Variants in IFNLR1 observed in about 807,000 individuals in gnomAD.
IFNLR1 encodes the protein CRF2-12.
IFNLR1 carries 28 observed loss-of-function variants against 52.5 expected under a neutral mutation model. That is an observed-to-expected ratio of 0.53 (90% CI 0.40 to 0.73). The LOEUF is 0.73. IFNLR1 is among the 30% of genes least tolerant of loss of function. The probability of loss-of-function intolerance (pLI) is 0.00; values close to 1 mark genes in which losing one functional copy is unlikely to be tolerated. For missense variants in IFNLR1, 623 were observed against 659.1 expected (o/e 0.95, Z 0.60); for synonymous variants, 276 against 274.9 (o/e 1.00, Z -0.04).
intron 2 of IFNLR1, among the ~76,000 whole-genome samples, chr1:24,176,255 C>T (rs1038734447): frequency 3.3e-5 from 5 of 152,352 alleles, no homozygotes; most frequent in Admixed American, 6.5e-5. Context: ...ATACTATACA[C>T]ATCCATTTAT....
At chr1:24,172,128 C>T (rs2148597153) in intron 2 of IFNLR1, among the ~76,000 whole-genome samples, 1 of 152,028 alleles carries the variant, frequency 6.6e-6, no homozygotes, top group Middle Eastern at 3.4e-3. Context: ...TTAAAACAAC[C>T]CATAGATGAA....
intron 2 of IFNLR1, among the ~76,000 whole-genome samples, chr1:24,173,691 C>T (rs1006825986): frequency 6.6e-6 from 1 of 151,242 alleles, no homozygotes; most frequent in Admixed American, 6.6e-5. Context: ...CTCTGTCACC[C>T]AGGCTGGGGT....
Position 24,169,616 on chromosome 1 carries a change from A to G in IFNLR1, c.183-15T>C. 6.2e-7 allele frequency: 1 copy of G among 1,609,224 alleles called. No homozygotes were observed. The highest frequency in any genetic ancestry group is 8.5e-7 in the Non-Finnish European group (1 of 1,177,596). ...GGGTGGGAGAGCTGGGGGAGGAGAGAGGAGAGCTTGGGCCATGGACTCAGC... is the reference window on the plus strand; with the variant it reads ...GGGTGGGAGAGCTGGGGGAGGAGAGGGGAGAGCTTGGGCCATGGACTCAGC... On this transcript the variant is annotated splice_polypyrimidine_tract_variant and intron_variant, in intron 2 of 6. Coordinates refer to ENST00000327535, the MANE Select transcript of IFNLR1 (RefSeq NM_170743.4).
At chr1:24,183,466 C>G (rs1644710811) in intron 1 of IFNLR1, among the ~76,000 whole-genome samples, 1 of 152,076 alleles carries the variant, frequency 6.6e-6, no homozygotes, top group Non-Finnish European at 1.5e-5. Flanking sequence ...TAGCAGGGCA[C>G]AATGGTGAGA....
chr1:24,181,592 A>T (rs1644691308), intron 1 of IFNLR1, among the ~76,000 whole-genome samples: 1 of 152,182 alleles, frequency 6.6e-6, no homozygotes, highest in South Asian at 2.1e-4. Context: ...AGGATGGAGG[A>T]TGACCCTCCC....
chr1:24,157,870 GGT>G lies in IFNLR1; in HGVS notation c.821_822del (p.His274ProfsTer15). The G allele has an allele frequency of 6.3e-7, 1 of 1,592,898 alleles. No homozygotes were observed. The highest frequency in any genetic ancestry group is 8.5e-7 in the Non-Finnish European group (1 of 1,170,780). ...CTGCTGGGCTGAAAGGTTGCCACAG[GGT>G]GTGTGTGTCCAGAAAAGTCCTGATT... ...PRALDFSGHT[H>X]PVATFQPSRP... On this transcript the variant is annotated frameshift_variant, in exon 7 of 7. Coordinates refer to ENST00000327535, the MANE Select transcript of IFNLR1 (RefSeq NM_170743.4). LOFTEE classifies it high-confidence loss of function. The surrounding 1 kb of genome is among the most constrained non-coding windows in gnomAD (Gnocchi z 5.1).
intron 1 of IFNLR1, among the ~76,000 whole-genome samples, chr1:24,186,678 A>G (rs1644742265): frequency 1.3e-5 from 2 of 152,016 alleles, no homozygotes; most frequent in South Asian, 2.1e-4. Context: ...AACAACAACA[A>G]CAACAACAAC....
At chr1:24,180,617 CCA>C in intron 2 of IFNLR1, 112 bp downstream of exon 2, 1 of 1,030,444 alleles carries the variant, frequency 9.7e-7, no homozygotes, top group Non-Finnish European at 1.4e-6. Context: ...CCCGTAGGGC[CCA>C]GAGAGCTAGC....
chr1:24,186,464 CTT>C (rs1199885020), intron 1 of IFNLR1, among the ~76,000 whole-genome samples: 2 of 152,128 alleles, frequency 1.3e-5, no homozygotes, highest in Non-Finnish European at 2.9e-5. Flanking sequence ...TAAATATAGG[CTT>C]TTATGATGAT....
chr1:24,175,274 G>T (rs1036563006), intron 2 of IFNLR1, among the ~76,000 whole-genome samples: 1 of 152,202 alleles, frequency 6.6e-6, no homozygotes, highest in African/African-American at 2.4e-5. Context: ...CCAGTGACTC[G>T]AGGGTAGGGT....
chr1:24,160,805 T>C (rs1221895425), intron 4 of IFNLR1, among the ~76,000 whole-genome samples: 3 of 152,146 alleles, frequency 2.0e-5, no homozygotes, highest in Non-Finnish European at 4.4e-5. Context: ...CATGGCTCAC[T>C]GTGGCCTTGC....
rs759534245 is a variant in IFNLR1 at position 24,159,050 on chromosome 1, A to G, written c.801+2T>C. 3 of 1,613,654 alleles carry G rather than the reference A, an allele frequency of 1.9e-6. No individual in the cohort carries two copies. In the African/African-American group the frequency reaches 4.0e-5, roughly 22 times the overall value. ...TGCTGCACACCCCCAGATTTGCTAT[A>G]CCAGGGCCCGTGGCATCTTTGCCCG... On this transcript the variant is annotated splice_donor_variant, in intron 6 of 6. Transcript: ENST00000327535. LOFTEE classifies it high-confidence loss of function.
chr1:24,157,496 G>A lies in IFNLR1; in HGVS notation c.1197C>T (p.Asp399=). 1 of 1,612,778 alleles carries A rather than the reference G, an allele frequency of 6.2e-7. No individual in the cohort carries two copies. The highest frequency in any genetic ancestry group is 8.5e-7 in the Non-Finnish European group (1 of 1,179,294). The change falls in exon 7 of 7, where the codon GAC becomes GAT. Residue 399 remains aspartate, a synonymous_variant. Coordinates refer to ENST00000327535, the MANE Select transcript of IFNLR1 (RefSeq NM_170743.4). The surrounding 1 kb of genome is among the most constrained non-coding windows in gnomAD (Gnocchi z 5.1). ...SWASTVDSSW[D]RAGSSGYLAE... ...CCAAATAGCCAGAGGACCCAGCCCT[G>A]TCCCAGGAGGAGTCCACAGTGCTGG...
At position 24,156,982 on chromosome 1, in the gene IFNLR1, G is replaced by T; in HGVS notation, c.*148C>A. 4 of 849,862 alleles carry T rather than the reference G, an allele frequency of 4.7e-6. No individual in the cohort carries two copies. In the South Asian group the frequency reaches 6.9e-5, roughly 15 times the overall value. The allele number at this position is 849,862 out of a possible 1,614,324, so 52.6% of individuals were successfully genotyped here. ...GGCATCTTGTTGCTCAGCCCGACAG[G>T]CAAACAGCCGCTAGGTGGACTTCCC... On this transcript the variant is annotated 3_prime_UTR_variant, in exon 7 of 7. Coordinates refer to ENST00000327535, the MANE Select transcript of IFNLR1 (RefSeq NM_170743.4).
At chr1:24,162,423 A>C (rs1037088767) in intron 3 of IFNLR1, among the ~76,000 whole-genome samples, 1 of 152,172 alleles carries the variant, frequency 6.6e-6, no homozygotes, top group Non-Finnish European at 1.5e-5. Flanking sequence ...TTAAAGGCTC[A>C]TGGGATTAGA....
intron 3 of IFNLR1, 136 bp from the exon 4 acceptor site, chr1:24,161,820 TA>T: frequency 1.2e-6 from 1 of 813,122 alleles, no homozygotes. Flanking sequence ...TAGCACCTTA[TA>T]ATCTGTTATT....
intron 2 of IFNLR1, among the ~76,000 whole-genome samples, chr1:24,176,962 T>G (rs1644638780): frequency 6.6e-6 from 1 of 151,900 alleles, no homozygotes; most frequent in South Asian, 2.1e-4. Context: ...GTGATATGAG[T>G]CCCTAAAGAA....
rs1224117052 is a variant in IFNLR1, at chr1:24,157,137, G to A, written c.1556C>T (p.Ala519Val). 1.9e-6 allele frequency: 3 copies of A among 1,608,202 alleles called. No individual in the cohort carries two copies. The highest frequency in any genetic ancestry group is 2.7e-5 in the African/African-American group (2 of 74,848). Residue 519 changes from alanine (A) to valine (V), a missense_variant, in exon 7 of 7, where the codon GCC becomes GTC. By Grantham distance (64) the Ala-to-Val change is moderately conservative. Coordinates refer to ENST00000327535, the MANE Select transcript of IFNLR1 (RefSeq NM_170743.4). This position sits in a 1 kb window ranked among gnomAD's most constrained non-coding sequence, Gnocchi z 5.1. ...GGGATGTCGGGGGACAGCTCACCTGGCCATGTAATGCCCCAATGTCCGGCC... is the reference window on the plus strand; with the variant it reads ...GGGATGTCGGGGGACAGCTCACCTGACCATGTAATGCCCCAATGTCCGGCC... ...DRGRTLGHYM[A>V]R
rs1430318155 is a variant in IFNLR1 at position 24,157,572 on chromosome 1, A to G, written c.1121T>C (p.Leu374Pro). 6.2e-7 allele frequency: 1 copy of G among 1,612,170 alleles called. No individual in the cohort carries two copies. The highest frequency in any genetic ancestry group is 2.2e-5 in the East Asian group (1 of 44,858). Residue 374 changes from leucine to proline, a missense_variant, in exon 7 of 7, where the codon CTG (leucine) becomes CCG (proline). Physicochemically the swap from Leu to Pro is moderately conservative, Grantham distance 98 (BLOSUM62 -3). Transcript: ENST00000327535. The surrounding 1 kb of genome is among the most constrained non-coding windows in gnomAD (Gnocchi z 5.1). ...GVDSGRPRAPLVPSEGSSAWD... is the reference protein window; with the variant it reads ...GVDSGRPRAPPVPSEGSSAWD... ...AGCAGAGGAGCCTTCGCTTGGGACC[A>G]GAGGAGCCCTGGGCCTCCCTGAGTC...
Sources: allele counts gnomAD v4.1 joint callset (sites outside exome capture counted in the v4.1 genomes callset), GRCh38; gene constraint gnomAD v4.1.1; non-coding constraint Gnocchi (gnomAD v3.1); transcripts MANE v1.5; gene names NCBI Gene and HGNC (gene_info 2026-07-23, HGNC 2026-07-21).